PIGL: variants seen among roughly 807,000 people sequenced by gnomAD.
The protein encoded by PIGL is phosphatidylinositol glycan anchor biosynthesis class L, also known as N-acetylglucosaminyl-phosphatidylinositol de-N-acetylase.
In PIGL, 22 loss-of-function variants were observed where a neutral mutation model predicts 31.1. That is an observed-to-expected ratio of 0.71 (90% confidence interval 0.51 to 1.01). The LOEUF (loss-of-function observed/expected upper bound fraction) is 1.01, where lower values mean the gene tolerates loss of function less well. PIGL is among the 50% of genes least tolerant of loss of function. PIGL has a pLI of 0.00. For missense variants in PIGL, 302 were observed against 315.9 expected (o/e 0.96, Z 0.33); for synonymous variants, 131 against 117.4 (o/e 1.12, Z -0.75).
At position 16,222,171 on chromosome 17, in the gene PIGL, A is replaced by C. The variant is rs146054030; in HGVS notation, c.235+4710A>C. On this transcript the variant is annotated intron_variant, in intron 1 of 6. Coordinates refer to ENST00000225609, the MANE Select transcript of PIGL (RefSeq NM_004278.4). ...AAGCTATTAATTTGTAATGTAATGA[A>C]AGCTATGATGTTTTGATGGAGAAAG... is the stretch of plus-strand genomic sequence containing the variant. Among the ~76,000 whole-genome samples, 30 of 152,236 alleles carry C rather than the reference A, an allele frequency of 2.0e-4. 1 individual carries two copies. Among genetic ancestry groups the C allele is most frequent in the African/African-American group, 7.0e-4 (29 of 41,560 alleles).
At chr17:16,314,458 G>A (rs2093067527) in intron 4 of PIGL, among the ~76,000 whole-genome samples, 1 of 152,208 alleles carries the variant, frequency 6.6e-6, no homozygotes, top group Admixed American at 6.5e-5. Context: ...CTATGGCAGA[G>A]GCAGAATTCA....
chr17:16,258,378 C>T (rs539717729), intron 2 of PIGL, among the ~76,000 whole-genome samples: 3 of 151,476 alleles, frequency 2.0e-5, no homozygotes, highest in South Asian at 4.2e-4. Flanking sequence ...CGGCATTTTG[C>T]GATATCGGCC....
At chr17:16,233,509 G>C (rs1460197713) in intron 1 of PIGL, among the ~76,000 whole-genome samples, 1 of 152,094 alleles carries the variant, frequency 6.6e-6, no homozygotes, top group Admixed American at 6.6e-5. Flanking sequence ...CTCAGGAGTA[G>C]CAACCTCTAT....
At chr17:16,260,004 C>T (rs1484818817) in intron 2 of PIGL, among the ~76,000 whole-genome samples, 1 of 152,234 alleles carries the variant, frequency 6.6e-6, no homozygotes, top group Non-Finnish European at 1.5e-5. Flanking sequence ...TGAGCCCAGG[C>T]ACTGTCGCAA....
intron 2 of PIGL, among the ~76,000 whole-genome samples, chr17:16,285,033 G>A (rs2092931428): frequency 1.3e-5 from 2 of 152,132 alleles, no homozygotes; most frequent in Non-Finnish European, 2.9e-5. Context: ...TGCCCAGCTG[G>A]TCTTAAACTC....
At chr17:16,263,710 G>A (rs980096417) in intron 2 of PIGL, among the ~76,000 whole-genome samples, 1 of 150,574 alleles carries the variant, frequency 6.6e-6, no homozygotes, top group African/African-American at 2.4e-5. Context: ...TTTAGTAGAG[G>A]CAGGGTTTCA....
chr17:16,257,509 A>G (rs2092799290), intron 2 of PIGL, among the ~76,000 whole-genome samples: 1 of 152,116 alleles, frequency 6.6e-6, no homozygotes, highest in South Asian at 2.1e-4. Flanking sequence ...TTTTGAGGGA[A>G]TTCTATATCC....
chr17:16,277,522 A>G (rs1010239202), intron 2 of PIGL, among the ~76,000 whole-genome samples: 1 of 138,986 alleles, frequency 7.2e-6, no homozygotes, highest in African/African-American at 2.6e-5. Context: ...AAAGTTAAAA[A>G]AAGATTGCTT....
intron 2 of PIGL, among the ~76,000 whole-genome samples, chr17:16,261,537 T>G (rs35319034): frequency 6.6e-6 from 1 of 152,204 alleles, no homozygotes; most frequent in Non-Finnish European, 1.5e-5. Context: ...GGGATTGATA[T>G]TCAGAATATA....
At chr17:16,232,139 G>A (rs1417813936) in intron 1 of PIGL, among the ~76,000 whole-genome samples, 1 of 151,956 alleles carries the variant, frequency 6.6e-6, no homozygotes, top group Non-Finnish European at 1.5e-5. Context: ...TTAGCCAGGC[G>A]TGGTGGTGGG....
chr17:16,242,488 T>C (rs1323013184), intron 2 of PIGL, among the ~76,000 whole-genome samples: 2 of 152,164 alleles, frequency 1.3e-5, no homozygotes, highest in Admixed American at 1.3e-4. Context: ...CTTTATTGAT[T>C]TTTTAATGTA....
intron 2 of PIGL, among the ~76,000 whole-genome samples, chr17:16,297,367 C>G (rs138679558): frequency 6.6e-6 from 1 of 152,244 alleles, no homozygotes; most frequent in African/African-American, 2.4e-5. Context: ...GAACTTCCCC[C>G]TCTTTGAGGT....
At chr17:16,282,056 G>A (rs1446504747) in intron 2 of PIGL, 10 of 518,998 alleles carry the variant, frequency 1.9e-5, no homozygotes, top group Middle Eastern at 3.2e-4. Flanking sequence ...TCACCATAGT[G>A]GTGGACTGCC....
intron 2 of PIGL, among the ~76,000 whole-genome samples, chr17:16,286,439 CACAAAGGGTTTCCATG>C: frequency 6.6e-6 from 1 of 152,318 alleles, no homozygotes; most frequent in East Asian, 1.9e-4. Flanking sequence ...CACAGATTTT[CACAAAGGGTTTCCATG>C]ACTCTCCCGA....
At chr17:16,221,475 G>A (rs1003221116) in intron 1 of PIGL, among the ~76,000 whole-genome samples, 1 of 147,576 alleles carries the variant, frequency 6.8e-6, no homozygotes, top group Admixed American at 6.8e-5. Flanking sequence ...TTTTTGAGAC[G>A]GAGTCTCACT....
At chr17:16,273,402 G>C (rs2092880405) in intron 2 of PIGL, among the ~76,000 whole-genome samples, 1 of 152,224 alleles carries the variant, frequency 6.6e-6, no homozygotes, top group African/African-American at 2.4e-5. Context: ...CATGTGTCAG[G>C]TGAAGGTTAT....
chr17:16,321,750 G>A (rs2093106873), intron 6 of PIGL, among the ~76,000 whole-genome samples: 1 of 150,890 alleles, frequency 6.6e-6, no homozygotes, highest in South Asian at 2.1e-4. Flanking sequence ...CTTTCTGTCT[G>A]TCTGTCTGTC....
chr17:16,283,467 C>CA (rs113443431), intron 2 of PIGL, among the ~76,000 whole-genome samples: 1,828 of 145,742 alleles, frequency 0.013, 48 homozygotes, highest in African/African-American at 0.042. Context: ...GACCCTATTT[C>CA]AAAAAAAAAA....
intron 2 of PIGL, among the ~76,000 whole-genome samples, chr17:16,293,835 T>C (rs2092970614): frequency 6.6e-6 from 1 of 152,142 alleles, no homozygotes; most frequent in South Asian, 2.1e-4. Flanking sequence ...CAACAGAAAA[T>C]AATAGAATAC....
Sources: allele counts gnomAD v4.1 joint callset (sites outside exome capture counted in the v4.1 genomes callset), GRCh38; gene constraint gnomAD v4.1.1; transcripts MANE v1.5; gene names NCBI Gene and HGNC (gene_info 2026-07-23, HGNC 2026-07-21).